Variants in CSMD1 observed in about 807,000 individuals in gnomAD.
The protein encoded by CSMD1 is CUB and sushi domain-containing protein 1.
Under a neutral mutation model 417.5 loss-of-function variants are expected in CSMD1, and 213 were observed. The ratio of observed to expected loss-of-function variants is 0.51; its 90% CI spans 0.46 to 0.57. The LOEUF is 0.57. Ranked by LOEUF, CSMD1 falls within the 20% of genes least tolerant of loss-of-function variation. The probability of loss-of-function intolerance (pLI) is 0.00; values close to 1 mark genes in which losing one functional copy is unlikely to be tolerated. For missense variants in CSMD1, 6,923 were observed against 4,529.7 expected (o/e 1.53, Z -15.17); for synonymous variants, 2,862 against 1,736.8 (o/e 1.65, Z -16.11).
At chr8:3,722,679 A>C (rs757813636) in intron 6 of CSMD1, among the ~76,000 whole-genome samples, 7 of 152,172 alleles carry the variant, frequency 4.6e-5, no homozygotes, top group Non-Finnish European at 7.3e-5. Context: ...AGTTCGGTAA[A>C]TTGCCCTAGG....
chr8:3,782,792 TAAC>T (rs920720259), intron 5 of CSMD1, among the ~76,000 whole-genome samples: 4 of 152,180 alleles, frequency 2.6e-5, no homozygotes, highest in African/African-American at 9.7e-5. Context: ...GAATTAAAGA[TAAC>T]AAATGATTTT....
At chr8:3,485,538 C>CACACACACAGAGAGAG (rs376214281) in intron 11 of CSMD1, among the ~76,000 whole-genome samples, 120 of 135,022 alleles carry the variant, frequency 8.9e-4, no homozygotes, top group African/African-American at 1.4e-3. Flanking sequence ...CACACACACA[C>CACACACACAGAGAGAG]AGAGAGAGAG....
intron 1 of CSMD1, among the ~76,000 whole-genome samples, chr8:4,778,843 A>G (rs1270313697): frequency 2.0e-5 from 3 of 152,258 alleles, no homozygotes; most frequent in Non-Finnish European, 4.4e-5. Context: ...AAAGTCAGAT[A>G]GTATTTACTT....
At chr8:4,594,080 C>T (rs117381303) in intron 2 of CSMD1, among the ~76,000 whole-genome samples, 385 of 152,062 alleles carry the variant, frequency 2.5e-3, no homozygotes, top group Non-Finnish European at 4.5e-3. Context: ...TGGCCTCTTC[C>T]TCATGTGCCT....
chr8:3,670,232 A>G (rs1242926093), intron 7 of CSMD1, among the ~76,000 whole-genome samples: 1 of 151,990 alleles, frequency 6.6e-6, no homozygotes, highest in Admixed American at 6.6e-5. Context: ...GAGAATACAA[A>G]GCAGGCGGAA....
chr8:2,959,326 T>C (rs1358664842), intron 62 of CSMD1, among the ~76,000 whole-genome samples: 1 of 152,206 alleles, frequency 6.6e-6, no homozygotes, highest in Non-Finnish European at 1.5e-5. Context: ...GCTGTTCTCC[T>C]GGCCTCAAGC....
intron 1 of CSMD1, among the ~76,000 whole-genome samples, chr8:4,799,687 T>C (rs1289645731): frequency 1.3e-5 from 2 of 150,796 alleles, no homozygotes; most frequent in African/African-American, 4.9e-5. Flanking sequence ...TTCACTGCTT[T>C]GGAGATTATC....
intron 10 of CSMD1, among the ~76,000 whole-genome samples, chr8:3,528,166 T>C (rs533591469): frequency 6.6e-6 from 1 of 152,342 alleles, no homozygotes; most frequent in East Asian, 1.9e-4. Context: ...TTTGCATGGT[T>C]AACTCCCCTG....
At chr8:4,877,625 C>T (rs535765062) in intron 1 of CSMD1, among the ~76,000 whole-genome samples, 4 of 152,170 alleles carry the variant, frequency 2.6e-5, no homozygotes, top group Middle Eastern at 3.4e-3. Flanking sequence ...TTTCCTAATC[C>T]TATATTTCCA....
At chr8:3,687,717 G>A (rs1461330776) in intron 7 of CSMD1, among the ~76,000 whole-genome samples, 1 of 152,112 alleles carries the variant, frequency 6.6e-6, no homozygotes, top group Non-Finnish European at 1.5e-5. Context: ...GGTGGCCTTT[G>A]GAAGCACGCT....
chr8:4,224,951 A>T (rs150941516), intron 3 of CSMD1, among the ~76,000 whole-genome samples: 17 of 152,268 alleles, frequency 1.1e-4, no homozygotes, highest in Admixed American at 8.5e-4. Flanking sequence ...TCACTAATAA[A>T]ATTAAAAAAA....
chr8:4,685,950 G>A (rs780704635), intron 1 of CSMD1, among the ~76,000 whole-genome samples: 11 of 152,154 alleles, frequency 7.2e-5, no homozygotes, highest in African/African-American at 1.4e-4. Context: ...AAGCACTGAC[G>A]TTGTTATAAA....
At chr8:4,023,783 TTG>T (rs1389380492) in intron 4 of CSMD1, among the ~76,000 whole-genome samples, 1,945 of 70,914 alleles carry the variant, frequency 0.027, 103 homozygotes, top group East Asian at 0.075. Context: ...TTTTTTTTTT[TTG>T]TGTGTGTATT....
rs138896999 is a variant in CSMD1, at chr8:3,683,915, G to A, written c.1009+24499C>T. Among the ~76,000 whole-genome samples the A allele has an allele frequency of 4.1e-3, 624 of 151,968 alleles. 1 individual carries two copies. Among genetic ancestry groups the A allele is most frequent in the Non-Finnish European group, 6.9e-3 (471 of 67,950 alleles). On this transcript the variant is annotated intron_variant, in intron 7 of 69. Coordinates refer to ENST00000635120, the MANE Select transcript of CSMD1 (RefSeq NM_033225.6). ...TGTTTATTGATTTCAAAAAATGACT[G>A]TTAGACCACTAAGTTTTAGCAAATT...
intron 2 of CSMD1, among the ~76,000 whole-genome samples, chr8:4,634,319 A>G (rs1802704761): frequency 6.6e-6 from 1 of 152,208 alleles, no homozygotes; most frequent in Admixed American, 6.5e-5. Flanking sequence ...AGCATCAATA[A>G]TTCTAAAGTA....
intron 3 of CSMD1, among the ~76,000 whole-genome samples, chr8:4,299,407 A>C (rs1797861866): frequency 6.6e-6 from 1 of 152,138 alleles, no homozygotes; most frequent in Admixed American, 6.6e-5. Flanking sequence ...TCAACATGAG[A>C]GAGGTGATTT....
At chr8:4,305,618 G>A (rs1164952831) in intron 3 of CSMD1, among the ~76,000 whole-genome samples, 1 of 152,130 alleles carries the variant, frequency 6.6e-6, no homozygotes, top group East Asian at 1.9e-4. Flanking sequence ...ATCCACGTAA[G>A]ACCGTTTTAG....
intron 1 of CSMD1, among the ~76,000 whole-genome samples, chr8:4,873,437 G>C (rs1802854094): frequency 1.3e-5 from 2 of 152,140 alleles, no homozygotes; most frequent in South Asian, 4.1e-4. Context: ...ATCTAACTCA[G>C]AGAATATTCC....
intron 7 of CSMD1, among the ~76,000 whole-genome samples, chr8:3,643,289 G>T (rs1368600000): frequency 6.6e-6 from 1 of 152,056 alleles, no homozygotes; most frequent in Non-Finnish European, 1.5e-5. Flanking sequence ...GAACTGGATG[G>T]AAAGGAGGGA....
Sources: gnomAD v4.1 joint callset for allele counts (sites outside exome capture counted in the v4.1 genomes callset) on GRCh38, gnomAD v4.1.1 for gene constraint, MANE v1.5 for transcripts, NCBI Gene and HGNC (gene_info 2026-07-23, HGNC 2026-07-21) for gene names.